The following ODAD2 variants were observed in gnomAD, a reference collection of about 807,000 sequenced individuals.
ODAD2 encodes outer dynein arm-docking complex subunit 2.
Under a neutral mutation model 106.8 loss-of-function variants are expected in ODAD2, and 89 were observed. The observed-to-expected ratio is 0.83, with a 90% CI of 0.70 to 0.99. The LOEUF is 0.99. Ranked by LOEUF, ODAD2 falls within the 50% of genes least tolerant of loss-of-function variation. The pLI is 0.00. For missense variants in ODAD2, 1,168 were observed against 1,238.5 expected (o/e 0.94, Z 0.85); for synonymous variants, 404 against 436.2 (o/e 0.93, Z 0.92).
chr10:27,952,611 T>C (rs1847438046), intron 10 of ODAD2, among the ~76,000 whole-genome samples: 1 of 152,094 alleles, frequency 6.6e-6, no homozygotes, highest in South Asian at 2.1e-4. Flanking sequence ...TGTGTTCTCA[T>C]TGTAGATGAA....
Position 27,849,373 on chromosome 10 carries a change from A to C in ODAD2, c.3021+11252T>G, listed in dbSNP as rs560323763. ...AAAATGAGAACACTTGGACACAGGAAGGGGAACATCACATACCGGGGCCTG... is the reference window on the plus strand; with the variant it reads ...AAAATGAGAACACTTGGACACAGGACGGGGAACATCACATACCGGGGCCTG... On this transcript the variant is annotated intron_variant, in intron 19 of 19. Coordinates refer to ENST00000305242, the MANE Select transcript of ODAD2 (RefSeq NM_018076.5). Among the ~76,000 whole-genome samples the C allele has an allele frequency of 4.9e-3, 699 of 144,084 alleles. 2 individuals carry two copies. The highest frequency in any genetic ancestry group is 7.3e-3 in the Non-Finnish European group (482 of 65,922). 94.5% of individuals were successfully genotyped at this position (144,084 alleles called of 152,430 possible). A position where few individuals can be genotyped will look rare whatever the true frequency, so the allele number is the denominator to read the frequency against.
intron 1 of ODAD2, among the ~76,000 whole-genome samples, chr10:27,998,613 G>T (rs755961509): frequency 3.9e-5 from 6 of 151,936 alleles, no homozygotes; most frequent in Non-Finnish European, 7.4e-5. Context: ...GCAGGGTCTC[G>T]CGGGGAGGAA....
intron 19 of ODAD2, among the ~76,000 whole-genome samples, chr10:27,822,823 C>A (rs1042079312): frequency 3.3e-5 from 5 of 152,166 alleles, no homozygotes; most frequent in African/African-American, 1.2e-4. Context: ...TCCATGTCTG[C>A]AAAACTTGGA....
intron 16 of ODAD2, among the ~76,000 whole-genome samples, chr10:27,912,911 G>A (rs1024430786): frequency 2.0e-5 from 3 of 152,040 alleles, no homozygotes; most frequent in African/African-American, 7.2e-5. Context: ...AGGTTTTTAC[G>A]TTTCTACCTC....
chr10:27,918,923 G>C (rs899790638), intron 16 of ODAD2, among the ~76,000 whole-genome samples: 5 of 150,154 alleles, frequency 3.3e-5, no homozygotes, highest in Non-Finnish European at 7.4e-5. Flanking sequence ...AAAAAAACTG[G>C]AAAAAAATTA....
At position 27,935,174 on chromosome 10, in the gene ODAD2, AACC is replaced by A; in HGVS notation, c.2328_2330del (p.Val777del). The A allele has an allele frequency of 1.2e-6, 2 of 1,614,028 alleles. No individual in the cohort carries two copies. Among genetic ancestry groups the A allele is most frequent in the Non-Finnish European group, 1.7e-6 (2 of 1,179,910 alleles). On this transcript the variant is annotated inframe_deletion, in exon 16 of 20. Coordinates refer to ENST00000305242, the MANE Select transcript of ODAD2 (RefSeq NM_018076.5). ...CTTGGCAGCATTCTCCCAAGGCCCC[AACC>A]ACATTCACAAGTACTTCTTCAGGCT...
chr10:27,942,568 A>G (rs1846535359), intron 12 of ODAD2, among the ~76,000 whole-genome samples: 1 of 152,240 alleles, frequency 6.6e-6, no homozygotes, highest in Non-Finnish European at 1.5e-5. Context: ...AACATATTTT[A>G]TGTTACATTA....
At chr10:27,964,029 C>T (rs867182300) in intron 9 of ODAD2, among the ~76,000 whole-genome samples, 24 of 152,150 alleles carry the variant, frequency 1.6e-4, no homozygotes, top group Non-Finnish European at 2.8e-4. Context: ...TGAGACCAGC[C>T]TAGCCAATAT....
At chr10:27,916,927 A>G (rs1475315125) in intron 16 of ODAD2, among the ~76,000 whole-genome samples, 1 of 152,098 alleles carries the variant, frequency 6.6e-6, no homozygotes, top group Admixed American at 6.6e-5. Context: ...AAATAAACAA[A>G]TCTACAATCA....
intron 10 of ODAD2, among the ~76,000 whole-genome samples, chr10:27,947,545 A>G (rs1206846075): frequency 6.6e-6 from 1 of 151,008 alleles, no homozygotes; most frequent in Non-Finnish European, 1.5e-5. Context: ...AAAAGAAAGA[A>G]CAAAGAAAAT....
chr10:27,990,863 T>C (rs2133194553), intron 2 of ODAD2, among the ~76,000 whole-genome samples: 1 of 152,286 alleles, frequency 6.6e-6, no homozygotes, highest in South Asian at 2.1e-4. Context: ...TCGATGCATA[T>C]ATATCACTGA....
At chr10:27,985,757 A>G (rs1849838627) in intron 3 of ODAD2, among the ~76,000 whole-genome samples, 1 of 151,484 alleles carries the variant, frequency 6.6e-6, no homozygotes, top group Non-Finnish European at 1.5e-5. Context: ...TAGAGTTGGA[A>G]AGCACATCTA....
intron 1 of ODAD2, among the ~76,000 whole-genome samples, chr10:27,996,315 C>T (rs977801451): frequency 6.6e-6 from 1 of 152,192 alleles, no homozygotes. Context: ...GGAGATTTTA[C>T]ATTCTGTACT....
chr10:27,930,914 G>T (rs976747941), intron 16 of ODAD2, among the ~76,000 whole-genome samples: 1 of 152,088 alleles, frequency 6.6e-6, no homozygotes, highest in Non-Finnish European at 1.5e-5. Flanking sequence ...GTTACAATCT[G>T]GCAATCATTG....
At chr10:27,966,846 C>G (rs1401683237) in intron 9 of ODAD2, among the ~76,000 whole-genome samples, 2 of 151,522 alleles carry the variant, frequency 1.3e-5, no homozygotes, top group Non-Finnish European at 2.9e-5. Context: ...TTTCTCCCAC[C>G]AAGCACAACT....
chr10:27,842,807 AAATAATAATTT>A (rs1302845090), intron 19 of ODAD2, among the ~76,000 whole-genome samples: 1 of 152,178 alleles, frequency 6.6e-6, no homozygotes, highest in East Asian at 1.9e-4. Context: ...AATGGAGTAA[AAATAATAATTT>A]AATAATAATT....
At chr10:27,849,807 G>A (rs1839107967) in intron 19 of ODAD2, among the ~76,000 whole-genome samples, 1 of 152,164 alleles carries the variant, frequency 6.6e-6, no homozygotes, top group South Asian at 2.1e-4. Flanking sequence ...AACTACTAAA[G>A]GGCAGCATGG....
chr10:27,820,777 C>CTTTTTTTTTTT lies in ODAD2; in HGVS notation c.3022-8163_3022-8153dup, dbSNP rs72095120. ...CAATTAAACCAATGAAGCCCAGCAA[C>CTTTTTTTTTTT]TTTTTTTTTTTTTTTTTTTTTTTTG... On this transcript the variant is annotated intron_variant, in intron 19 of 19. Transcript: ENST00000305242. 1.3e-3 allele frequency among the ~76,000 whole-genome samples: 133 copies of CTTTTTTTTTTT among 105,538 alleles called. 4 individuals carry two copies. The highest frequency in any genetic ancestry group is 6.9e-3 in the Middle Eastern group (1 of 144). The allele number at this position is 105,538 out of a possible 152,430, so 69.2% of individuals were successfully genotyped here.
At chr10:27,996,820 T>G (rs1215852713) in intron 1 of ODAD2, among the ~76,000 whole-genome samples, 1 of 152,206 alleles carries the variant, frequency 6.6e-6, no homozygotes, top group Admixed American at 6.5e-5. Context: ...AGTCTGCATT[T>G]GGGGCTGCTG....
Sources: allele counts gnomAD v4.1 joint callset (sites outside exome capture counted in the v4.1 genomes callset), GRCh38; gene constraint gnomAD v4.1.1; transcripts MANE v1.5; gene names NCBI Gene and HGNC (gene_info 2026-07-23, HGNC 2026-07-21).